Variants in MTMR2 observed in about 807,000 individuals in gnomAD.
MTMR2 encodes the protein myotubularin related protein 2.
Under a neutral mutation model 86.9 loss-of-function variants are expected in MTMR2, and 55 were observed. The ratio of observed to expected loss-of-function variants is 0.63; its 90% CI spans 0.51 to 0.79. The LOEUF (loss-of-function observed/expected upper bound fraction) is 0.79. Ranked by LOEUF, MTMR2 falls within the 30% of genes least tolerant of loss-of-function variation. MTMR2 has a pLI of 0.00. For missense variants in MTMR2, 659 were observed against 772.3 expected (o/e 0.85, Z 1.74); for synonymous variants, 241 against 266.8 (o/e 0.90, Z 0.94).
chr11:95,912,048 C>A (rs1471595404), intron 1 of MTMR2, among the ~76,000 whole-genome samples: 1 of 148,928 alleles, frequency 6.7e-6, no homozygotes, highest in Non-Finnish European at 1.5e-5. Context: ...CTTTTCTGCA[C>A]AAACTTCAAA....
At chr11:95,849,275 G>A (rs891644217) in intron 9 of MTMR2, among the ~76,000 whole-genome samples, 1 of 152,038 alleles carries the variant, frequency 6.6e-6, no homozygotes, top group African/African-American at 2.4e-5. Flanking sequence ...TAGTCACCGA[G>A]AACACTAGTT....
At position 95,833,908 on chromosome 11, in the gene MTMR2, A is replaced by G. The variant is rs1392376922; in HGVS notation, c.*1382T>C. 3.3e-5 allele frequency: 5 copies of G among 152,114 alleles called. 1 individual carries two copies. The highest frequency in any genetic ancestry group is 3.3e-4 in the Admixed American group (5 of 15,230). 9.4% of individuals were successfully genotyped at this position (152,114 alleles called of 1,614,324 possible). ...AAGACCAAGAGGGAGGCTAAGGTTCAGACTCTCTGTATAGTGAATTAGTGA... is the reference window on the plus strand; with the variant it reads ...AAGACCAAGAGGGAGGCTAAGGTTCGGACTCTCTGTATAGTGAATTAGTGA... On this transcript the variant is annotated 3_prime_UTR_variant, in exon 15 of 15. Transcript: ENST00000346299.
chr11:95,872,684 C>G (rs1406556441), intron 2 of MTMR2, among the ~76,000 whole-genome samples: 3 of 152,178 alleles, frequency 2.0e-5, no homozygotes, highest in Non-Finnish European at 4.4e-5. Context: ...GCATCCCTGT[C>G]TTGTGCCAGT....
intron 1 of MTMR2, among the ~76,000 whole-genome samples, chr11:95,905,331 G>GCGCGCGCGCGCACACACA (rs928252045): frequency 6.2e-4 from 92 of 148,096 alleles, no homozygotes; most frequent in Non-Finnish European, 1.9e-4. Flanking sequence ...ACGCACCTGC[G>GCGCGCGCGCGCACACACA]CACACACACA....
chr11:95,884,001 A>T (rs1206653565), intron 2 of MTMR2, among the ~76,000 whole-genome samples: 1 of 152,226 alleles, frequency 6.6e-6, no homozygotes, highest in African/African-American at 2.4e-5. Context: ...GGACACAAAT[A>T]AGCAATGAGG....
At chr11:95,856,164 G>A (rs1277597893) in intron 7 of MTMR2, among the ~76,000 whole-genome samples, 1 of 151,962 alleles carries the variant, frequency 6.6e-6, no homozygotes, top group Non-Finnish European at 1.5e-5. Context: ...AGCTTTGTAG[G>A]CATGAAACCT....
chr11:95,865,392 G>C, intron 3 of MTMR2: 1 of 568,304 alleles, frequency 1.8e-6, no homozygotes, highest in Non-Finnish European at 3.2e-6. Flanking sequence ...CAATTTGCAT[G>C]TTTCCCAGGA....
rs1867049759 is a variant in MTMR2 at position 95,924,068 on chromosome 11, C to A, written c.-114G>T. On this transcript the variant is annotated 5_prime_UTR_variant, in exon 1 of 15. Coordinates refer to ENST00000346299, the MANE Select transcript of MTMR2 (RefSeq NM_016156.6). ...GGCCGCAGTCAGGCCAGCGCCGGCCCGGGAGGGAGACCGGAAGCGGCCATG... is the reference window on the plus strand; with the variant it reads ...GGCCGCAGTCAGGCCAGCGCCGGCCAGGGAGGGAGACCGGAAGCGGCCATG... 5 of 1,369,806 alleles carry A rather than the reference C, an allele frequency of 3.7e-6. No homozygotes were observed. Among genetic ancestry groups the A allele is most frequent in the Non-Finnish European group, 5.1e-6 (5 of 986,292 alleles). 84.9% of individuals were successfully genotyped at this position (1,369,806 alleles called of 1,614,324 possible). A position where few individuals can be genotyped will look rare whatever the true frequency, so the allele number is the denominator to read the frequency against.
intron 2 of MTMR2, 39 bp from the exon 3 acceptor site, chr11:95,865,715 T>A: frequency 6.5e-7 from 1 of 1,543,536 alleles, no homozygotes; most frequent in Non-Finnish European, 9.0e-7. Context: ...ATTTTTTTAT[T>A]CAAAGGCTAC....
chr11:95,849,946 T>C lies in MTMR2; in HGVS notation c.805-84A>G, dbSNP rs1863953993. On this transcript the variant is annotated intron_variant, in intron 8 of 14. Transcript: ENST00000346299. Reference sequence around the variant, plus strand: ...AAAACAGTACTCAGTAAAGCTCTGCTTTCTAATTGGATCCAAAGCCTGGCC... The same window carrying C: ...AAAACAGTACTCAGTAAAGCTCTGCCTTCTAATTGGATCCAAAGCCTGGCC... 3.9e-6 allele frequency: 5 copies of C among 1,292,718 alleles called. No individual in the cohort carries two copies. In the Admixed American group the frequency reaches 9.0e-5, roughly 23 times the overall value. The allele number at this position is 1,292,718 out of a possible 1,614,324, so 80.1% of individuals were successfully genotyped here. A position where few individuals can be genotyped will look rare whatever the true frequency, so the allele number is the denominator to read the frequency against.
chr11:95,861,644 G>A (rs562349037), intron 5 of MTMR2, among the ~76,000 whole-genome samples: 92 of 151,964 alleles, frequency 6.1e-4, no homozygotes, highest in Admixed American at 5.4e-3. Context: ...GACTGATCTC[G>A]AACTCTTGAC....
chr11:95,876,540 TAGGTAAGATTCCATAAA>T (rs1339762069), intron 2 of MTMR2, among the ~76,000 whole-genome samples: 2 of 152,220 alleles, frequency 1.3e-5, no homozygotes, highest in Non-Finnish European at 2.9e-5. Flanking sequence ...GCCACATCAA[TAGGTAAGATTCCATAAA>T]ATGTGCTATT....
Position 95,836,135 on chromosome 11 carries a change from GTAAGGC to G in MTMR2, c.1770+7_1770+12del, listed in dbSNP as rs754608173. On this transcript the variant is annotated splice_region_variant and intron_variant, in intron 14 of 14. Transcript: ENST00000346299. ...TGAATGAAAACTCCCATTGTATATTGTAAGGCACATACCTGTGGTTTCATCCGTGGA... is the reference window on the plus strand; with the variant it reads ...TGAATGAAAACTCCCATTGTATATTGACATACCTGTGGTTTCATCCGTGGA... 811 of 1,590,992 alleles carry G rather than the reference GTAAGGC, an allele frequency of 5.1e-4. 5 individuals carry two copies. The African/African-American group carries it at 9.7e-3, about 19-fold the overall frequency.
chr11:95,917,474 A>G (rs1866752425), intron 1 of MTMR2, among the ~76,000 whole-genome samples: 1 of 152,120 alleles, frequency 6.6e-6, no homozygotes. Context: ...ACTTGTTCAT[A>G]ATACAGTTGA....
chr11:95,908,990 C>T (rs1454492199), intron 1 of MTMR2, among the ~76,000 whole-genome samples: 1 of 152,134 alleles, frequency 6.6e-6, no homozygotes, highest in African/African-American at 2.4e-5. Flanking sequence ...AATAGTCCTG[C>T]CACCATCTCA....
chr11:95,921,581 G>C (rs1307684842), intron 1 of MTMR2, among the ~76,000 whole-genome samples: 1 of 152,178 alleles, frequency 6.6e-6, no homozygotes. Context: ...TTTCTAACTA[G>C]TGTCTATAAT....
chr11:95,900,712 T>C (rs1353309789), intron 1 of MTMR2, among the ~76,000 whole-genome samples: 3 of 152,198 alleles, frequency 2.0e-5, no homozygotes, highest in Non-Finnish European at 4.4e-5. Flanking sequence ...GAGGTGTGTG[T>C]GTGTGCATGT....
At chr11:95,868,273 T>TAAAAAAAAAAA (rs555618890) in intron 2 of MTMR2, among the ~76,000 whole-genome samples, 5 of 42,220 alleles carry the variant, frequency 1.2e-4, no homozygotes, top group Non-Finnish European at 1.6e-4. Flanking sequence ...GACCCTGTGC[T>TAAAAAAAAAAA]AAAAAAAAAA....
chr11:95,871,718 T>C (rs1048679808), intron 2 of MTMR2, among the ~76,000 whole-genome samples: 3 of 152,234 alleles, frequency 2.0e-5, no homozygotes, highest in Admixed American at 6.5e-5. Context: ...TCTTTTGCTG[T>C]GCAGAAGCTC....
Sources: gnomAD v4.1 joint callset for allele counts (sites outside exome capture counted in the v4.1 genomes callset) on GRCh38, gnomAD v4.1.1 for gene constraint, MANE v1.5 for transcripts, NCBI Gene and HGNC (gene_info 2026-07-23, HGNC 2026-07-21) for gene names.